The following MORC1 variants were observed in gnomAD, a reference collection of about 807,000 sequenced individuals.
MORC1 encodes MORC family CW-type zinc finger protein 1.
MORC1 carries 59 observed loss-of-function variants against 134.9 expected under a neutral mutation model. That is an observed-to-expected ratio of 0.44 (90% confidence interval 0.35 to 0.54). The LOEUF (loss-of-function observed/expected upper bound fraction) is 0.54. Ranked by LOEUF, MORC1 falls within the 20% of genes least tolerant of loss-of-function variation. The pLI is 0.00. For missense variants in MORC1, 947 were observed against 1,134.5 expected (o/e 0.83, Z 2.37); for synonymous variants, 395 against 391.7 (o/e 1.01, Z -0.10).
chr3:108,986,962 CTCTT>C lies in MORC1; in HGVS notation c.2188-17_2188-14del, dbSNP rs750400352. On this transcript the variant is annotated splice_polypyrimidine_tract_variant and intron_variant, in intron 21 of 27. Coordinates refer to ENST00000232603, the MANE Select transcript of MORC1 (RefSeq NM_014429.4). ...TTTTATCTGAAACCTGAAAAACAAGCTCTTTATTTAAAACTGTACAAAAACATAG... is the reference window on the plus strand; with the variant it reads ...TTTTATCTGAAACCTGAAAAACAAGCTATTTAAAACTGTACAAAAACATAG... The C allele has an allele frequency of 1.3e-6, 2 of 1,552,448 alleles. No homozygotes were observed. Among genetic ancestry groups the C allele is most frequent in the Admixed American group, 2.1e-5 (1 of 47,728 alleles).
chr3:109,050,512 C>T (rs1949799683), intron 14 of MORC1, among the ~76,000 whole-genome samples: 1 of 152,110 alleles, frequency 6.6e-6, no homozygotes, highest in African/African-American at 2.4e-5. Context: ...TCTCATCACC[C>T]CCGTAAAGTC....
intron 27 of MORC1, among the ~76,000 whole-genome samples, chr3:108,962,279 TA>T (rs141609845): frequency 0.22 from 29,638 of 137,166 alleles, 2,971 homozygotes; most frequent in Middle Eastern, 0.31. Flanking sequence ...ATTAAGCAAA[TA>T]AAAAAAAAAA....
chr3:108,972,039 G>GT (rs1472608122), intron 24 of MORC1, among the ~76,000 whole-genome samples: 2 of 152,172 alleles, frequency 1.3e-5, no homozygotes, highest in Non-Finnish European at 2.9e-5. Flanking sequence ...AAACCAAAGA[G>GT]TTTAAGTCTC....
At chr3:109,094,876 T>C in intron 7 of MORC1, 33 bp downstream of exon 7, 1 of 1,526,362 alleles carries the variant, frequency 6.6e-7, no homozygotes, top group South Asian at 1.3e-5. Context: ...AACAAATACT[T>C]CCATCAAATT....
chr3:109,023,326 GATT>G (rs1472922862), intron 17 of MORC1, among the ~76,000 whole-genome samples: 1 of 152,228 alleles, frequency 6.6e-6, no homozygotes, highest in Non-Finnish European at 1.5e-5. Flanking sequence ...ACTAGTGTCA[GATT>G]ATAGACAGCC....
Position 109,118,108 on chromosome 3 carries a change from G to A in MORC1, c.-49C>T, listed in dbSNP as rs374271855. On this transcript the variant is annotated 5_prime_UTR_variant, in exon 1 of 28. Transcript: ENST00000232603. The stretch of plus-strand genomic sequence containing the variant: ...CTCAAGGGGACAAGGACACCTGACC[G>A]GCAGCCGTTCGCCTGCGCCCGCGCC... 9.5e-6 allele frequency: 15 copies of A among 1,572,896 alleles called. No homozygotes were observed. The highest frequency in any genetic ancestry group is 1.2e-5 in the Non-Finnish European group (14 of 1,156,654).
In MORC1 at chr3:109,063,205, AAAG is replaced by A. The variant is rs1950121510; in HGVS notation, c.839_841del (p.Ser280del). ...AACTTCATCTTTAAATGCTCCTTTAAAAGAAGATGTGACATAAAGATACTTTCT... is the reference window on the plus strand; with the variant it reads ...AACTTCATCTTTAAATGCTCCTTTAAAAGATGTGACATAAAGATACTTTCT... On this transcript the variant is annotated inframe_deletion, in exon 10 of 28. Transcript: ENST00000232603. 1 of 1,597,250 alleles carries A rather than the reference AAAG, an allele frequency of 6.3e-7. No homozygotes were observed. The highest frequency in any genetic ancestry group is 1.3e-5 in the African/African-American group (1 of 74,746).
intron 17 of MORC1, among the ~76,000 whole-genome samples, chr3:109,007,689 T>C (rs1948576977): frequency 6.6e-6 from 1 of 152,186 alleles, no homozygotes; most frequent in Non-Finnish European, 1.5e-5. Context: ...GAAGGTCTCC[T>C]CCAATTCCCC....
intron 6 of MORC1, among the ~76,000 whole-genome samples, chr3:109,095,593 T>C (rs1012901802): frequency 6.6e-6 from 1 of 151,984 alleles, no homozygotes; most frequent in Non-Finnish European, 1.5e-5. Flanking sequence ...CTGGAAAGAG[T>C]AGAACAATGG....
intron 2 of MORC1, among the ~76,000 whole-genome samples, chr3:109,113,105 G>A (rs752295407): frequency 6.6e-6 from 1 of 152,208 alleles, no homozygotes; most frequent in Non-Finnish European, 1.5e-5. Context: ...GTTGCTGAAA[G>A]TGGGCCCATT....
intron 20 of MORC1, among the ~76,000 whole-genome samples, chr3:109,001,013 C>T (rs1163549048): frequency 1.3e-5 from 2 of 152,154 alleles, no homozygotes; most frequent in African/African-American, 4.8e-5. Context: ...TGATTAAATT[C>T]ATTTTTCAAG....
intron 8 of MORC1, among the ~76,000 whole-genome samples, chr3:109,089,633 C>T (rs536660954): frequency 1.1e-4 from 17 of 151,930 alleles, no homozygotes; most frequent in East Asian, 5.8e-4. Context: ...GAAAAAAATG[C>T]GATTTAATGG....
chr3:109,069,822 A>G, intron 8 of MORC1, 65 bp from the exon 9 acceptor site: 2 of 1,491,864 alleles, frequency 1.3e-6, no homozygotes, highest in Non-Finnish European at 1.8e-6. Flanking sequence ...TTTGAGAAGA[A>G]ATAACATCAG....
chr3:109,035,375 C>A lies in MORC1; in HGVS notation c.1424G>T (p.Arg475Ile), dbSNP rs114626925. The stretch of plus-strand genomic sequence containing the variant: ...GATGAATGGGATACCCATGGCTTGT[C>A]TTCTTTGATATTGAAAAGAATTTAA... The part of the protein sequence containing the change: ...KPLNSFQYQR[R>I]QAMGIPFIIQ... Residue 475 changes from arginine to isoleucine, a missense_variant, in exon 15 of 28, where the codon AGA becomes ATA. Around this residue, in one of 3 missense-constraint regions of MORC1, gnomAD observed 722 missense variants for 817.0 expected, o/e 0.88. Transcript: ENST00000232603. The A allele has an allele frequency of 1.9e-3, 3,089 of 1,588,570 alleles. 14 individuals carry two copies. The highest frequency in any genetic ancestry group is 1.9e-3 in the Non-Finnish European group (2,157 of 1,165,726).
intron 8 of MORC1, among the ~76,000 whole-genome samples, chr3:109,082,103 A>G (rs1292251333): frequency 6.6e-6 from 1 of 152,080 alleles, no homozygotes; most frequent in Non-Finnish European, 1.5e-5. Flanking sequence ...ACCCCCAGCC[A>G]ACCTTCCCAC....
intron 20 of MORC1, among the ~76,000 whole-genome samples, chr3:109,002,337 G>A (rs1348918751): frequency 6.6e-6 from 1 of 152,162 alleles, no homozygotes; most frequent in Non-Finnish European, 1.5e-5. Flanking sequence ...CCTCAGAAGT[G>A]TGTATCAGTC....
chr3:109,087,932 AACCATCTG>A (rs1950647377), intron 8 of MORC1, among the ~76,000 whole-genome samples: 1 of 152,130 alleles, frequency 6.6e-6, no homozygotes, highest in Admixed American at 6.5e-5. Flanking sequence ...GCACACCTAC[AACCATCTG>A]ATCATCAACA....
At chr3:109,028,350 G>C (rs570513278) in intron 16 of MORC1, among the ~76,000 whole-genome samples, 1 of 152,060 alleles carries the variant, frequency 6.6e-6, no homozygotes, top group African/African-American at 2.4e-5. Context: ...GTGAAGACCC[G>C]TGACTACCCG....
intron 8 of MORC1, among the ~76,000 whole-genome samples, chr3:109,079,469 TAAAAC>T: frequency 6.6e-6 from 1 of 151,830 alleles, no homozygotes; most frequent in Admixed American, 6.6e-5. Flanking sequence ...AAAAAATAAA[TAAAAC>T]AAAATGTACT....
Sources: allele counts gnomAD v4.1 joint callset (sites outside exome capture counted in the v4.1 genomes callset), GRCh38; gene constraint gnomAD v4.1.1; regional missense constraint gnomAD v4.1.1; transcripts MANE v1.5; gene names NCBI Gene and HGNC (gene_info 2026-07-23, HGNC 2026-07-21).